Variants in PALM2AKAP2 observed in about 807,000 individuals in gnomAD.
PALM2AKAP2 encodes PALM2-AKAP2 fusion protein.
A neutral mutation model predicts 71.5 loss-of-function variants in PALM2AKAP2; 37 were observed. The observed-to-expected ratio is 0.52, with a 90% CI of 0.40 to 0.68. PALM2AKAP2 has a LOEUF of 0.68. Ranked by LOEUF, PALM2AKAP2 falls within the 30% of genes least tolerant of loss-of-function variation. The probability of loss-of-function intolerance (pLI) is 0.00; values close to 1 mark genes in which losing one functional copy is unlikely to be tolerated. For synonymous variants in PALM2AKAP2, 468 were observed against 478.8 expected (o/e 0.98, Z 0.29); for missense variants, 1,224 against 1,191.8 (o/e 1.03, Z -0.40).
At chr9:110,014,851 T>TACACACACACAC (rs1360117476) in intron 6 of PALM2AKAP2, among the ~76,000 whole-genome samples, 1 of 89,534 alleles carries the variant, frequency 1.1e-5, no homozygotes, top group African/African-American at 4.2e-5. Flanking sequence ...TATATATATA[T>TACACACACACAC]ACACACACAC....
At chr9:110,065,079 C>T (rs892301479) in intron 1 of PALM2AKAP2, among the ~76,000 whole-genome samples, 10 of 152,190 alleles carry the variant, frequency 6.6e-5, no homozygotes, top group Non-Finnish European at 1.5e-4. Context: ...TCACACCAGC[C>T]GGATGACTTT....
intron 2 of PALM2AKAP2, 113 bp from the exon 3 acceptor site, chr9:109,880,438 C>G (rs1829819087): frequency 1.4e-6 from 2 of 1,463,778 alleles, no homozygotes; most frequent in Non-Finnish European, 9.2e-7. Context: ...GTGAAGGCAG[C>G]GATTCAGGCA....
chr9:109,959,102 A>G (rs1006109645), intron 6 of PALM2AKAP2, among the ~76,000 whole-genome samples: 2 of 152,138 alleles, frequency 1.3e-5, no homozygotes, highest in East Asian at 1.9e-4. Context: ...CCTATTCTAG[A>G]TGTTTTCTCC....
At chr9:109,936,643 C>T (rs1817856806) in intron 6 of PALM2AKAP2, among the ~76,000 whole-genome samples, 2 of 152,220 alleles carry the variant, frequency 1.3e-5, no homozygotes, top group Non-Finnish European at 2.9e-5. Flanking sequence ...CACTTATGAT[C>T]TGCTTCTCTC....
chr9:109,678,280 G>T (rs1827677242), intron 1 of PALM2AKAP2, among the ~76,000 whole-genome samples: 1 of 152,194 alleles, frequency 6.6e-6, no homozygotes, highest in Admixed American at 6.5e-5. Context: ...TGAAGTGTCA[G>T]CAAGGGCCAT....
intron 7 of PALM2AKAP2, among the ~76,000 whole-genome samples, chr9:110,030,206 G>T (rs148788394): frequency 6.6e-6 from 1 of 152,294 alleles, no homozygotes; most frequent in East Asian, 1.9e-4. Context: ...GATAGGAAGT[G>T]GGGGGAAGGG....
At chr9:109,780,168 G>A (rs1829414646), upstream of PALM2AKAP2, 1 of 466,786 alleles carries the variant, frequency 2.1e-6, no homozygotes, top group Admixed American at 6.2e-5. Context: ...ACTAGCGCCG[G>A]GCTAGCGCGC....
intron 1 of PALM2AKAP2, among the ~76,000 whole-genome samples, chr9:109,764,576 CT>C (rs1416324858): frequency 5.9e-5 from 9 of 152,224 alleles, no homozygotes; most frequent in African/African-American, 1.7e-4. Context: ...GAGCTCACCC[CT>C]GTCATCAAAC....
intron 1 of PALM2AKAP2, among the ~76,000 whole-genome samples, chr9:109,851,213 A>AC (rs1564179688): frequency 0.45 from 64,529 of 142,418 alleles, 15,554 homozygotes; most frequent in Admixed American, 0.55. Context: ...CAACAACAAA[A>AC]AAAAAAAAAC....
intron 1 of PALM2AKAP2, among the ~76,000 whole-genome samples, chr9:109,818,978 A>G (rs1469038150): frequency 6.6e-6 from 1 of 152,216 alleles, no homozygotes; most frequent in Non-Finnish European, 1.5e-5. Context: ...AAAAGGAGAA[A>G]CTAAGAATGA....
chr9:109,787,962 T>C (rs1291666822), intron 1 of PALM2AKAP2, among the ~76,000 whole-genome samples: 1 of 152,254 alleles, frequency 6.6e-6, no homozygotes, highest in Non-Finnish European at 1.5e-5. Context: ...CATAATGTTG[T>C]AATATCGGGT....
intron 3 of PALM2AKAP2, 47 bp from the exon 10 acceptor site, chr9:110,162,047 G>A: frequency 6.2e-7 from 1 of 1,607,074 alleles, no homozygotes. Flanking sequence ...TGTTCTGTAA[G>A]TGTGTCACTG....
At chr9:110,151,636 C>G (rs952637750) in intron 2 of PALM2AKAP2, among the ~76,000 whole-genome samples, 4 of 152,186 alleles carry the variant, frequency 2.6e-5, no homozygotes. Flanking sequence ...TGGAGTCAAC[C>G]AAGTGAAGCC....
chr9:110,136,366 A>T (rs1209126905), exon 2 of PALM2AKAP2: 18 of 1,613,988 alleles, frequency 1.1e-5, no homozygotes, highest in Admixed American at 6.7e-5. Flanking sequence ...ATCACCACGA[A>T]TCCCTGGATA....
intron 1 of PALM2AKAP2, among the ~76,000 whole-genome samples, chr9:109,704,283 TCCC>T (rs1375504306): frequency 6.6e-6 from 1 of 151,994 alleles, no homozygotes; most frequent in South Asian, 2.1e-4. Context: ...CTTCCAAATT[TCCC>T]CCCTTTTTAG....
intron 6 of PALM2AKAP2, among the ~76,000 whole-genome samples, chr9:109,990,067 C>CTTTTTTTT (rs35739397): frequency 1.4e-3 from 189 of 134,096 alleles, no homozygotes; most frequent in East Asian, 2.5e-3. Flanking sequence ...TTCTTTCTTT[C>CTTTTTTTT]TTTTTTTTTT....
At chr9:109,951,288 A>G (rs1321816837) in intron 6 of PALM2AKAP2, among the ~76,000 whole-genome samples, 1 of 152,180 alleles carries the variant, frequency 6.6e-6, no homozygotes, top group African/African-American at 2.4e-5. Context: ...GAATTAGCTT[A>G]CTGGGCTAGC....
intron 1 of PALM2AKAP2, among the ~76,000 whole-genome samples, chr9:109,755,174 A>C (rs1199072278): frequency 6.6e-6 from 1 of 152,038 alleles, no homozygotes; most frequent in African/African-American, 2.4e-5. Context: ...AGCAGCCACA[A>C]GTATTTTTAA....
At chr9:109,725,258 T>C (rs1165690511) in intron 1 of PALM2AKAP2, among the ~76,000 whole-genome samples, 2 of 152,220 alleles carry the variant, frequency 1.3e-5, no homozygotes, top group Non-Finnish European at 2.9e-5. Context: ...TCTACCTTTA[T>C]TTCAAATGTT....
Sources: gnomAD v4.1 joint callset for allele counts (sites outside exome capture counted in the v4.1 genomes callset) on GRCh38, gnomAD v4.1.1 for gene constraint, MANE v1.5 for transcripts, NCBI Gene and HGNC (gene_info 2026-07-23, HGNC 2026-07-21) for gene names.